The following CD8B variants were observed in gnomAD, a reference collection of about 807,000 sequenced individuals.
The protein encoded by CD8B is CD8 subunit beta, also known as T-cell surface glycoprotein CD8 beta chain.
CD8B carries 6 observed loss-of-function variants against 24.2 expected under a neutral mutation model. The observed-to-expected ratio is 0.25, with a 90% CI of 0.14 to 0.49. CD8B has a LOEUF of 0.49. CD8B is among the 20% of genes least tolerant of loss of function. The pLI is 0.98. For missense variants in CD8B, 196 were observed against 271.3 expected, an observed-to-expected ratio of 0.72 and a Z score of 1.95; for synonymous variants, 84 against 108.3, an observed-to-expected ratio of 0.78 and a Z score of 1.39.
intron 3 of CD8B, among the ~76,000 whole-genome samples, chr2:86,850,808 A>T (rs956582506): frequency 7.9e-5 from 12 of 151,944 alleles, no homozygotes; most frequent in African/African-American, 2.7e-4. Context: ...ATGATGCAAG[A>T]GGCCAGGCGT....
At chr2:86,836,394 A>G (rs1031292544), downstream of CD8B, among the ~76,000 whole-genome samples, 2 of 152,072 alleles carry the variant, frequency 1.3e-5, no homozygotes, top group Non-Finnish European at 2.9e-5. Flanking sequence ...TGGGGGCCCA[A>G]CTATGTCCAT....
downstream of CD8B, among the ~76,000 whole-genome samples, chr2:86,835,343 C>T (rs1675134682): frequency 6.6e-6 from 1 of 152,212 alleles, no homozygotes; most frequent in South Asian, 2.1e-4. Flanking sequence ...AAACCAGAAG[C>T]ATCAGTGTGG....
intron 3 of CD8B, among the ~76,000 whole-genome samples, 161 bp from the exon 4 acceptor site, chr2:86,846,934 T>C (rs1416388501): frequency 2.4e-5 from 3 of 124,884 alleles, no homozygotes; most frequent in African/African-American, 6.6e-5. Flanking sequence ...AGTATTTTTT[T>C]TTTTTTTTTT....
intron 2 of CD8B, among the ~76,000 whole-genome samples, chr2:86,857,237 A>G (rs1045566101): frequency 6.6e-6 from 1 of 152,196 alleles, no homozygotes; most frequent in Non-Finnish European, 1.5e-5. Context: ...CACAGAGAAC[A>G]TAAGGGCACC....
intron 1 of CD8B, among the ~76,000 whole-genome samples, chr2:86,859,864 C>A (rs1676477885): frequency 6.6e-6 from 1 of 152,044 alleles, no homozygotes; most frequent in Non-Finnish European, 1.5e-5. Flanking sequence ...CCTGCCTGCA[C>A]TTGCAGCTCA....
chr2:86,825,811 A>G (rs12466105), intron 5 of CD8B, among the ~76,000 whole-genome samples: 40,575 of 152,084 alleles, frequency 0.27, 5,794 homozygotes, highest in Non-Finnish European at 0.33. Flanking sequence ...GCCACTGCCC[A>G]TGCCTCACCT....
chr2:86,841,784 T>A lies in CD8B; in HGVS notation c.*523A>T. On this transcript the variant is annotated 3_prime_UTR_variant, in exon 6 of 6. Coordinates refer to ENST00000390655, the MANE Select transcript of CD8B (RefSeq NM_004931.5). ...GGCCCCAAAGGAAGCCCTCAGAGAC[T>A]GATATGCCTTCTGGGAACTGGACAG... 1 of 985,700 alleles carries A rather than the reference T, an allele frequency of 1.0e-6. No individual in the cohort carries two copies. Among genetic ancestry groups the A allele is most frequent in the Non-Finnish European group, 1.2e-6 (1 of 830,140 alleles). The allele number at this position is 985,700 out of a possible 1,614,324, so 61.1% of individuals were successfully genotyped here.
Position 86,839,880 on chromosome 2 carries a change from G to T in CD8B, c.*2427C>A, listed in dbSNP as rs1188969501. 2.6e-5 allele frequency among the ~76,000 whole-genome samples: 4 copies of T among 152,166 alleles called. No homozygotes were observed. The highest frequency in any genetic ancestry group is 2.6e-4 in the Admixed American group (4 of 15,276). On this transcript the variant is annotated 3_prime_UTR_variant, in exon 6 of 6. Coordinates refer to ENST00000390655, the MANE Select transcript of CD8B (RefSeq NM_004931.5). ...ATCTCTTATTTGTTTGTGATGGGCC[G>T]GGTGAGGGGCCCACCTGAAACACGA...
At chr2:86,832,944 C>T (rs1459397431) in intron 5 of CD8B, 14 of 134,180 alleles carry the variant, frequency 1.0e-4, no homozygotes, top group African/African-American at 5.2e-4. Flanking sequence ...CCTCTCCTCC[C>T]CTCTCCTCCC....
At chr2:86,854,973 T>C (rs1676161345) in intron 2 of CD8B, among the ~76,000 whole-genome samples, 1 of 151,628 alleles carries the variant, frequency 6.6e-6, no homozygotes, top group Non-Finnish European at 1.5e-5. Context: ...ATACAAAAAT[T>C]AGTTGGGCGT....
intron 5 of CD8B, among the ~76,000 whole-genome samples, chr2:86,832,510 T>A (rs185157386): frequency 2.0e-5 from 3 of 151,284 alleles, no homozygotes; most frequent in Admixed American, 2.0e-4. Context: ...AGATATCATA[T>A]CAAATAAGAG....
rs62146879 is a variant in CD8B, at chr2:86,841,486, G to A, written c.*821C>T. 110,157 of 572,168 alleles carry A rather than the reference G, an allele frequency of 0.19. 11,302 individuals carry two copies. The highest frequency in any genetic ancestry group is 0.33 in the African/African-American group (15,901 of 47,970). The allele number at this position is 572,168 out of a possible 1,614,324, so 35.4% of individuals were successfully genotyped here. A position where few individuals can be genotyped will look rare whatever the true frequency, so the allele number is the denominator to read the frequency against. ...CAAATGAGGATCTCAGGTGCAAAAG[G>A]AGGATGTACAAATTTTCTCCTTCTG... On this transcript the variant is annotated 3_prime_UTR_variant, in exon 6 of 6. Transcript: ENST00000390655.
chr2:86,852,650 C>T (rs1377473420), intron 3 of CD8B, among the ~76,000 whole-genome samples: 3 of 151,988 alleles, frequency 2.0e-5, no homozygotes, highest in South Asian at 2.1e-4. Context: ...CAATATTCCA[C>T]GATAATAAAT....
At chr2:86,829,095 C>CCT (rs1553434639) in intron 5 of CD8B, among the ~76,000 whole-genome samples, 1 of 82,990 alleles carries the variant, frequency 1.2e-5, no homozygotes, top group African/African-American at 4.4e-5. Flanking sequence ...ATGCTCTTTA[C>CCT]TTTTTTTTTT....
At chr2:86,835,464 A>C, downstream of CD8B, among the ~76,000 whole-genome samples, 1 of 151,952 alleles carries the variant, frequency 6.6e-6, no homozygotes, top group Non-Finnish European at 1.5e-5. Context: ...TGTGCTGATC[A>C]CGTTTACTGT....
At chr2:86,837,513 G>A (rs921360669), downstream of CD8B, among the ~76,000 whole-genome samples, 2 of 152,032 alleles carry the variant, frequency 1.3e-5, no homozygotes, top group Non-Finnish European at 2.9e-5. Context: ...CCCAAGAAGC[G>A]ACAGAGGAAA....
At chr2:86,849,857 C>T (rs1487656451) in intron 3 of CD8B, among the ~76,000 whole-genome samples, 1 of 152,074 alleles carries the variant, frequency 6.6e-6, no homozygotes, top group African/African-American at 2.4e-5. Context: ...GTGCCCACCA[C>T]AATGCCCAGC....
At chr2:86,832,610 T>G (rs1441272888) in intron 5 of CD8B, among the ~76,000 whole-genome samples, 1 of 152,042 alleles carries the variant, frequency 6.6e-6, no homozygotes, top group Non-Finnish European at 1.5e-5. Context: ...TGTGAGCCAC[T>G]ATGATACCCA....
intron 3 of CD8B, among the ~76,000 whole-genome samples, chr2:86,850,722 C>T (rs1484504136): frequency 1.3e-5 from 2 of 152,184 alleles, no homozygotes; most frequent in Non-Finnish European, 2.9e-5. Flanking sequence ...TCACACACAT[C>T]CGGGTTATTC....
Sources: gnomAD v4.1 joint callset for allele counts (sites outside exome capture counted in the v4.1 genomes callset) on GRCh38, gnomAD v4.1.1 for gene constraint, MANE v1.5 for transcripts, NCBI Gene and HGNC (gene_info 2026-07-23, HGNC 2026-07-21) for gene names.